TTC6: variants seen among roughly 807,000 people sequenced by gnomAD.
TTC6 encodes tetratricopeptide repeat domain 6.
Under a neutral mutation model 210.4 loss-of-function variants are expected in TTC6, and 172 were observed. The ratio of observed to expected loss-of-function variants is 0.82; its 90% CI spans 0.72 to 0.93. The LOEUF is 0.93. TTC6 is among the 40% of genes least tolerant of loss of function. The probability of loss-of-function intolerance (pLI) is 0.00; values close to 1 mark genes in which losing one functional copy is unlikely to be tolerated. For missense variants in TTC6, 2,414 were observed against 2,318.1 expected (o/e 1.04, Z -0.85); for synonymous variants, 804 against 819.6 (o/e 0.98, Z 0.32).
chr14:37,655,925 G>T (rs1219028335), intron 1 of TTC6, among the ~76,000 whole-genome samples: 3 of 151,744 alleles, frequency 2.0e-5, no homozygotes. Flanking sequence ...TACCACATGG[G>T]TTTGTTGTGA....
chr14:37,756,845 A>C (rs982607709), intron 14 of TTC6, among the ~76,000 whole-genome samples: 2 of 152,208 alleles, frequency 1.3e-5, no homozygotes, highest in Non-Finnish European at 2.9e-5. Flanking sequence ...TTTTGGTATC[A>C]GCATGATACT....
intron 16 of TTC6, among the ~76,000 whole-genome samples, chr14:37,791,485 A>C (rs1181871434): frequency 6.6e-6 from 1 of 152,176 alleles, no homozygotes; most frequent in Non-Finnish European, 1.5e-5. Context: ...TTCCTTGCCA[A>C]CCAGCAGACT....
At chr14:37,840,602 A>T (rs1301630463) in intron 29 of TTC6, among the ~76,000 whole-genome samples, 1 of 152,320 alleles carries the variant, frequency 6.6e-6, no homozygotes, top group Middle Eastern at 3.4e-3. Context: ...ATCCTCAATA[A>T]AATACTGGCA....
chr14:37,782,132 A>T (rs920756960), intron 14 of TTC6, among the ~76,000 whole-genome samples: 1 of 152,082 alleles, frequency 6.6e-6, no homozygotes, highest in African/African-American at 2.4e-5. Flanking sequence ...TTCCATATGA[A>T]CTTTAAAGTA....
At chr14:37,690,170 C>G (rs942640439) in intron 3 of TTC6, among the ~76,000 whole-genome samples, 1 of 151,456 alleles carries the variant, frequency 6.6e-6, no homozygotes, top group East Asian at 1.9e-4. Flanking sequence ...AAATAATGGA[C>G]TATAAGACAG....
chr14:37,750,712 C>A (rs1272808377), intron 12 of TTC6, among the ~76,000 whole-genome samples: 1 of 151,836 alleles, frequency 6.6e-6, no homozygotes. Context: ...CATGGTGAAC[C>A]CCTGTGTCTA....
chr14:37,651,455 C>A (rs867006389), intron 1 of TTC6, among the ~76,000 whole-genome samples: 3 of 37,770 alleles, frequency 7.9e-5, no homozygotes, highest in Non-Finnish European at 1.9e-4. Flanking sequence ...TTTTTTTTTC[C>A]ATCCATGATT....
At chr14:37,747,847 G>T (rs2095940646) in intron 10 of TTC6, among the ~76,000 whole-genome samples, 4 of 152,206 alleles carry the variant, frequency 2.6e-5, no homozygotes, top group African/African-American at 7.2e-5. Flanking sequence ...AGTCAGAAGG[G>T]CTGAAAAGGG....
intron 1 of TTC6, among the ~76,000 whole-genome samples, chr14:37,651,425 A>ATTT (rs55775703): frequency 3.3e-4 from 8 of 23,896 alleles, no homozygotes; most frequent in Non-Finnish European, 5.9e-4. Context: ...ATATATATAT[A>ATTT]TTTTTTTTTT....
intron 4 of TTC6, among the ~76,000 whole-genome samples, chr14:37,699,075 A>G: frequency 6.6e-6 from 1 of 152,222 alleles, no homozygotes; most frequent in East Asian, 1.9e-4. Flanking sequence ...GATAAAGGTT[A>G]AAATGGGTGA....
At chr14:37,709,199 G>A (rs961418693) in intron 5 of TTC6, among the ~76,000 whole-genome samples, 5 of 151,956 alleles carry the variant, frequency 3.3e-5, no homozygotes, top group Admixed American at 6.6e-5. Context: ...ACCTAAGAAC[G>A]TAAGAATCAC....
chr14:37,787,422 A>G (rs766262817), intron 14 of TTC6, 46 bp from the exon 17 acceptor site: 4 of 1,287,186 alleles, frequency 3.1e-6, no homozygotes, highest in Non-Finnish European at 4.1e-6. Context: ...AAAAAGAGAA[A>G]ATGTATACTT....
chr14:37,692,572 G>A (rs905799586), intron 3 of TTC6, among the ~76,000 whole-genome samples: 8 of 151,886 alleles, frequency 5.3e-5, no homozygotes, highest in African/African-American at 9.7e-5. Flanking sequence ...AACCACATAC[G>A]GTTTTTACCG....
chr14:37,806,429 G>C (rs1297465286), exon 22 of TTC6: 8 of 1,535,490 alleles, frequency 5.2e-6, no homozygotes, highest in Non-Finnish European at 6.1e-6. Context: ...ATCAGCGAGG[G>C]CTTTGTAAAG....
At chr14:37,816,170 G>C (rs964539061) in intron 25 of TTC6, among the ~76,000 whole-genome samples, 1 of 152,014 alleles carries the variant, frequency 6.6e-6, no homozygotes, top group Non-Finnish European at 1.5e-5. Flanking sequence ...TGTCATATAT[G>C]CTTCTTGAAT....
At chr14:37,699,048 C>T (rs1052220345) in intron 4 of TTC6, among the ~76,000 whole-genome samples, 1 of 152,076 alleles carries the variant, frequency 6.6e-6, no homozygotes, top group Admixed American at 6.5e-5. Context: ...AGTGGACAGA[C>T]CAGCATTAAC....
intron 17 of TTC6, among the ~76,000 whole-genome samples, chr14:37,793,209 G>A (rs1232601235): frequency 6.6e-6 from 1 of 152,136 alleles, no homozygotes; most frequent in Non-Finnish European, 1.5e-5. Context: ...AGCTTCGCTT[G>A]TGTTTAGAAT....
chr14:37,836,110 C>T (rs2139039017), intron 29 of TTC6, among the ~76,000 whole-genome samples: 1 of 152,284 alleles, frequency 6.6e-6, no homozygotes, highest in East Asian at 1.9e-4. Context: ...ATCCATTATC[C>T]TCAGCCGAGC....
chr14:37,812,706 C>T (rs2096132436), intron 25 of TTC6, among the ~76,000 whole-genome samples: 1 of 152,190 alleles, frequency 6.6e-6, no homozygotes, highest in Admixed American at 6.5e-5. Flanking sequence ...AGACAAAACT[C>T]AAGTTACTTA....
Sources: allele counts gnomAD v4.1 joint callset (sites outside exome capture counted in the v4.1 genomes callset), GRCh38; gene constraint gnomAD v4.1.1; transcripts MANE v1.5; gene names NCBI Gene and HGNC (gene_info 2026-07-23, HGNC 2026-07-21).